The following PLEKHF2 variants were observed in gnomAD, a reference collection of about 807,000 sequenced individuals.
PLEKHF2 encodes pleckstrin homology and FYVE domain containing 2, also known as pleckstrin homology domain-containing family F member 2.
PLEKHF2 carries 4 observed loss-of-function variants against 14.7 expected under a neutral mutation model. The ratio of observed to expected loss-of-function variants is 0.27; its 90% CI spans 0.13 to 0.62. PLEKHF2 has a LOEUF of 0.62. PLEKHF2 is among the 20% of genes least tolerant of loss of function. The pLI is 0.85. For synonymous variants in PLEKHF2, 90 were observed against 103.5 expected, an observed-to-expected ratio of 0.87 and a Z score of 0.79; for missense variants, 201 against 307.7, an observed-to-expected ratio of 0.65 and a Z score of 2.60.
intron 1 of PLEKHF2, among the ~76,000 whole-genome samples, chr8:95,137,260 C>T (rs1353105077): frequency 6.6e-6 from 1 of 152,140 alleles, no homozygotes; most frequent in East Asian, 1.9e-4. Context: ...GCCTGGAATA[C>T]GATAGTAGCT....
At chr8:95,145,373 T>C (rs981646903) in intron 1 of PLEKHF2, among the ~76,000 whole-genome samples, 1 of 152,164 alleles carries the variant, frequency 6.6e-6, no homozygotes, top group Admixed American at 6.5e-5. Flanking sequence ...TCTTGACCTC[T>C]CTTTTAGATG....
chr8:95,156,578 A>G lies in PLEKHF2; in HGVS notation c.*1784A>G, dbSNP rs1224639691. ...AATGCTAATGGAGATTTGCTGGTAC[A>G]TAGGAATCTAGCAAATTCAGGAACC... On this transcript the variant is annotated 3_prime_UTR_variant, in exon 2 of 2. Coordinates refer to ENST00000315367, the MANE Select transcript of PLEKHF2 (RefSeq NM_024613.4). 6 of 167,110 alleles carry G rather than the reference A, an allele frequency of 3.6e-5. No individual in the cohort carries two copies. The highest frequency in any genetic ancestry group is 1.5e-5 in the Non-Finnish European group (1 of 68,124). 10.4% of individuals were successfully genotyped at this position (167,110 alleles called of 1,614,324 possible).
rs773190083 is a variant in PLEKHF2, at chr8:95,136,329, T to TAC, written c.-15+2300_-15+2301insCA. Among the ~76,000 whole-genome samples, 158 of 63,074 alleles carry TAC rather than the reference T, an allele frequency of 2.5e-3. 1 individual carries two copies. The highest frequency in any genetic ancestry group is 0.011 in the African/African-American group (132 of 12,090). The allele number at this position is 63,074 out of a possible 152,430, so 41.4% of individuals were successfully genotyped here. On this transcript the variant is annotated intron_variant, in intron 1 of 1. Coordinates refer to ENST00000315367, the MANE Select transcript of PLEKHF2 (RefSeq NM_024613.4). ...TAAATCCACAGATTGGTTTTTATTATATATACACACACACACACACACACA... is the reference window on the plus strand; with the variant it reads ...TAAATCCACAGATTGGTTTTTATTATACATATACACACACACACACACACACA...
chr8:95,136,131 C>T (rs943415393), intron 1 of PLEKHF2, among the ~76,000 whole-genome samples: 13 of 152,114 alleles, frequency 8.5e-5, no homozygotes, highest in African/African-American at 2.9e-4. Context: ...CTCTTCATTC[C>T]CTGCATGCCA....
chr8:95,143,809 T>C (rs890309632), intron 1 of PLEKHF2, among the ~76,000 whole-genome samples: 3 of 152,224 alleles, frequency 2.0e-5, no homozygotes, highest in Non-Finnish European at 4.4e-5. Flanking sequence ...GGATTTTAGA[T>C]TTGATTCTGT....
chr8:95,149,066 A>C (rs2132109725), intron 1 of PLEKHF2, among the ~76,000 whole-genome samples: 1 of 152,292 alleles, frequency 6.6e-6, no homozygotes, highest in East Asian at 1.9e-4. Flanking sequence ...ACACTCATAG[A>C]TTAATAACCT....
intron 1 of PLEKHF2, among the ~76,000 whole-genome samples, chr8:95,151,836 T>G (rs1563884237): frequency 6.6e-6 from 1 of 152,128 alleles, no homozygotes; most frequent in African/African-American, 2.4e-5. Context: ...AATTATACTT[T>G]CCAGAGATAA....
At chr8:95,139,660 A>G (rs1810419251) in intron 1 of PLEKHF2, among the ~76,000 whole-genome samples, 1 of 151,918 alleles carries the variant, frequency 6.6e-6, no homozygotes, top group East Asian at 1.9e-4. Context: ...TTTAGGTTTT[A>G]TTTTTCACTA....
intron 1 of PLEKHF2, among the ~76,000 whole-genome samples, chr8:95,135,511 C>G (rs879796046): frequency 7.9e-5 from 12 of 152,116 alleles, no homozygotes; most frequent in Non-Finnish European, 1.6e-4. Flanking sequence ...CCCAGGTGAT[C>G]CACCTCGGCC....
intron 1 of PLEKHF2, among the ~76,000 whole-genome samples, chr8:95,147,558 T>C (rs755790990): frequency 5.9e-5 from 9 of 152,142 alleles, no homozygotes; most frequent in Non-Finnish European, 1.2e-4. Flanking sequence ...ATCTAAGATA[T>C]ATTATGGGTT....
rs780370922 is a variant in PLEKHF2, at chr8:95,154,087, A to G, written c.43A>G (p.Ile15Val). Residue 15 changes from isoleucine to valine, a missense_variant, in exon 2 of 2, where the codon ATA becomes GTA. Coordinates refer to ENST00000315367, the MANE Select transcript of PLEKHF2 (RefSeq NM_024613.4). This position sits in a 1 kb window ranked among gnomAD's most constrained non-coding sequence, Gnocchi z 5.6. The stretch of plus-strand genomic sequence containing the variant: ...AAACAGTGAAGCAAATACTAGACGT[A>G]TAAGTATAGTGGAAAACTGTTTTGG... ...LANSEANTRR[I>V]SIVENCFGAA... The G allele has an allele frequency of 6.2e-7, 1 of 1,613,208 alleles. No homozygotes were observed. The highest frequency in any genetic ancestry group is 8.5e-7 in the Non-Finnish European group (1 of 1,179,608).
intron 1 of PLEKHF2, among the ~76,000 whole-genome samples, chr8:95,148,169 TTA>T (rs1810520316): frequency 6.6e-6 from 1 of 151,258 alleles, no homozygotes; most frequent in Non-Finnish European, 1.5e-5. Flanking sequence ...AAAAAATTTG[TTA>T]TAAGTTTTTA....
At chr8:95,144,898 A>C (rs899407862) in intron 1 of PLEKHF2, among the ~76,000 whole-genome samples, 18 of 151,688 alleles carry the variant, frequency 1.2e-4, no homozygotes, top group African/African-American at 2.2e-4. Flanking sequence ...AGAAAAAAAA[A>C]CAAAAAACTG....
At chr8:95,141,610 C>G (rs192353936) in intron 1 of PLEKHF2, among the ~76,000 whole-genome samples, 30 of 152,140 alleles carry the variant, frequency 2.0e-4, no homozygotes, top group Admixed American at 1.6e-3. Context: ...ACTGCAACCT[C>G]TGCCTTCTGG....
At chr8:95,137,744 G>A (rs1042738466) in intron 1 of PLEKHF2, among the ~76,000 whole-genome samples, 3 of 152,250 alleles carry the variant, frequency 2.0e-5, no homozygotes, top group Admixed American at 1.3e-4. Context: ...GCCACATTTG[G>A]AACTACACTT....
intron 1 of PLEKHF2, among the ~76,000 whole-genome samples, chr8:95,137,079 T>C (rs1485891666): frequency 3.9e-5 from 6 of 152,238 alleles, no homozygotes; most frequent in Admixed American, 2.6e-4. Context: ...GCATGTAGGA[T>C]GGACTGGAAC....
chr8:95,156,007 A>G lies in PLEKHF2; in HGVS notation c.*1213A>G, dbSNP rs1810614836. 1 of 167,092 alleles carries G rather than the reference A, an allele frequency of 6.0e-6. No individual in the cohort carries two copies. The highest frequency in any genetic ancestry group is 1.5e-5 in the Non-Finnish European group (1 of 68,100). 10.4% of individuals were successfully genotyped at this position (167,092 alleles called of 1,614,324 possible). A position where few individuals can be genotyped will look rare whatever the true frequency, so the allele number is the denominator to read the frequency against. On this transcript the variant is annotated 3_prime_UTR_variant, in exon 2 of 2. Coordinates refer to ENST00000315367, the MANE Select transcript of PLEKHF2 (RefSeq NM_024613.4). Reference sequence around the variant, plus strand: ...ATTTTGCAATCTATGGAAATAGAGTAGCAATTGCTATTTCTAAATTGTGAA... The same window carrying G: ...ATTTTGCAATCTATGGAAATAGAGTGGCAATTGCTATTTCTAAATTGTGAA...
chr8:95,145,773 C>T lies in PLEKHF2; in HGVS notation c.-14-8258C>T, dbSNP rs191385970. 5.3e-4 allele frequency among the ~76,000 whole-genome samples: 80 copies of T among 152,118 alleles called. 2 individuals carry two copies. The highest frequency in any genetic ancestry group is 9.7e-4 in the Non-Finnish European group (66 of 68,020). ...TCCTAATGATTTATTGAGACTCTTA[C>T]CAAGAATTCCCTGATTATTATTCTG... On this transcript the variant is annotated intron_variant, in intron 1 of 1. Transcript: ENST00000315367.
rs1233668178 is a variant in PLEKHF2 at position 95,154,932 on chromosome 8, T to C, written c.*138T>C. On this transcript the variant is annotated 3_prime_UTR_variant, in exon 2 of 2. Transcript: ENST00000315367. This position sits in a 1 kb window ranked among gnomAD's most constrained non-coding sequence, Gnocchi z 5.6. ...GAAACTTGTAACCTATGTGCCTCAATATATTCCATAGAAAGTAGGTCCCCC... is the reference window on the plus strand; with the variant it reads ...GAAACTTGTAACCTATGTGCCTCAACATATTCCATAGAAAGTAGGTCCCCC... 9.7e-7 allele frequency: 1 copy of C among 1,028,530 alleles called. No homozygotes were observed. The highest frequency in any genetic ancestry group is 1.6e-5 in the African/African-American group (1 of 61,552). 63.7% of individuals were successfully genotyped at this position (1,028,530 alleles called of 1,614,324 possible).
Sources: allele counts gnomAD v4.1 joint callset (sites outside exome capture counted in the v4.1 genomes callset), GRCh38; gene constraint gnomAD v4.1.1; non-coding constraint Gnocchi (gnomAD v3.1); transcripts MANE v1.5; gene names NCBI Gene and HGNC (gene_info 2026-07-23, HGNC 2026-07-21).